The following HS3ST4 variants were observed in gnomAD, a reference collection of about 807,000 sequenced individuals.
HS3ST4 encodes the protein heparan sulfate-glucosamine 3-sulfotransferase 4.
HS3ST4 carries 17 observed loss-of-function variants against 29.2 expected under a neutral mutation model. That is an observed-to-expected ratio of 0.58 (90% CI 0.40 to 0.87). The LOEUF is 0.87. Ranked by LOEUF, HS3ST4 falls within the 40% of genes least tolerant of loss-of-function variation. The pLI, the probability that HS3ST4 is intolerant of heterozygous loss-of-function variation, is 0.00. For missense variants in HS3ST4, 627 were observed against 634.5 expected, an observed-to-expected ratio of 0.99 and a Z score of 0.13; for synonymous variants, 314 against 285.7, an observed-to-expected ratio of 1.10 and a Z score of -1.00.
At chr16:25,914,059 G>GT (rs145975319) in intron 1 of HS3ST4, among the ~76,000 whole-genome samples, 18,814 of 149,490 alleles carry the variant, frequency 0.13, 1,507 homozygotes, top group African/African-American at 0.23. Context: ...GGGTGTGTGT[G>GT]TGCACGGAGT....
At chr16:25,764,274 A>G (rs1966804992) in intron 1 of HS3ST4, among the ~76,000 whole-genome samples, 1 of 152,182 alleles carries the variant, frequency 6.6e-6, no homozygotes, top group Non-Finnish European at 1.5e-5. Context: ...GCTGCAGGAG[A>G]AAGAGAGGGT....
At chr16:25,857,953 TTTC>T (rs1208667206) in intron 1 of HS3ST4, among the ~76,000 whole-genome samples, 2,042 of 59,724 alleles carry the variant, frequency 0.034, 78 homozygotes, top group African/African-American at 0.14. Context: ...TCTTTCTTTC[TTTC>T]TTTCTTTCTT....
chr16:25,801,561 T>C (rs1235010427), intron 1 of HS3ST4, among the ~76,000 whole-genome samples: 1 of 152,228 alleles, frequency 6.6e-6, no homozygotes, highest in Non-Finnish European at 1.5e-5. Flanking sequence ...TCCTGTTTTC[T>C]CATACCCTGG....
At chr16:25,849,736 G>A (rs1467156656) in intron 1 of HS3ST4, among the ~76,000 whole-genome samples, 1 of 151,908 alleles carries the variant, frequency 6.6e-6, no homozygotes, top group Non-Finnish European at 1.5e-5. Context: ...TGAACTCCTG[G>A]GCTCAAGCAA....
At chr16:25,751,327 C>T (rs749667210) in intron 1 of HS3ST4, among the ~76,000 whole-genome samples, 4 of 152,086 alleles carry the variant, frequency 2.6e-5, no homozygotes, top group African/African-American at 4.8e-5. Context: ...ATTCAGTTTC[C>T]CTCCATACAC....
chr16:25,846,684 CAG>C (rs888497378), intron 1 of HS3ST4, among the ~76,000 whole-genome samples: 4 of 151,872 alleles, frequency 2.6e-5, no homozygotes, highest in Non-Finnish European at 5.9e-5. Flanking sequence ...CTTTCTATAA[CAG>C]AAAATTAAAA....
chr16:25,714,138 C>T (rs1013319845), intron 1 of HS3ST4, among the ~76,000 whole-genome samples: 10 of 151,938 alleles, frequency 6.6e-5, no homozygotes, highest in Non-Finnish European at 1.2e-4. Flanking sequence ...AGAACCTCCC[C>T]GTTCCAAAAA....
chr16:25,954,378 G>A (rs1377538086), intron 1 of HS3ST4, among the ~76,000 whole-genome samples: 1 of 152,036 alleles, frequency 6.6e-6, no homozygotes, highest in African/African-American at 2.4e-5. Context: ...CCAAACATAA[G>A]CTTTACAACA....
chr16:25,875,366 G>A (rs1007624399), intron 1 of HS3ST4, among the ~76,000 whole-genome samples: 1 of 152,118 alleles, frequency 6.6e-6, no homozygotes, highest in Non-Finnish European at 1.5e-5. Context: ...TGATGAGAAT[G>A]CCAAACAGTC....
At chr16:25,780,504 G>A (rs1966851675) in intron 1 of HS3ST4, among the ~76,000 whole-genome samples, 1 of 152,086 alleles carries the variant, frequency 6.6e-6, no homozygotes, top group Non-Finnish European at 1.5e-5. Flanking sequence ...CCTAAATAAA[G>A]GATCATTATT....
chr16:25,827,161 T>G (rs1390218289), intron 1 of HS3ST4, among the ~76,000 whole-genome samples: 3 of 152,074 alleles, frequency 2.0e-5, no homozygotes, highest in Admixed American at 2.0e-4. Flanking sequence ...GCCATTGAGA[T>G]CCAACGTAGC....
At position 26,136,311 on chromosome 16, in the gene HS3ST4, A is replaced by G; in HGVS notation, c.*63A>G. On this transcript the variant is annotated 3_prime_UTR_variant, in exon 2 of 2. Transcript: ENST00000331351. ...GGAGGCTCCTTGCCTGAGTCCTTGA[A>G]TACCCCAGCTTCTGCAGCTTCACTT... is the stretch of plus-strand genomic sequence containing the variant. 2 of 1,446,986 alleles carry G rather than the reference A, an allele frequency of 1.4e-6. No individual in the cohort carries two copies. Among genetic ancestry groups the G allele is most frequent in the Admixed American group, 2.2e-5 (1 of 46,306 alleles). 89.6% of individuals were successfully genotyped at this position (1,446,986 alleles called of 1,614,324 possible).
intron 1 of HS3ST4, among the ~76,000 whole-genome samples, chr16:26,055,614 T>TC (rs1373678902): frequency 1.1e-4 from 16 of 151,602 alleles, no homozygotes; most frequent in Admixed American, 5.3e-4. Flanking sequence ...TTGAAAAGTT[T>TC]CCCGCATAAT....
At chr16:26,054,963 T>G (rs1898390067) in intron 1 of HS3ST4, among the ~76,000 whole-genome samples, 1 of 152,102 alleles carries the variant, frequency 6.6e-6, no homozygotes, top group Non-Finnish European at 1.5e-5. Context: ...TCATGGGCAT[T>G]TCCAAGTGCT....
At chr16:26,119,441 G>A (rs1051563176) in intron 1 of HS3ST4, among the ~76,000 whole-genome samples, 1 of 152,192 alleles carries the variant, frequency 6.6e-6, no homozygotes, top group African/African-American at 2.4e-5. Context: ...CTTATTGGAT[G>A]TGCTGCAGGG....
chr16:25,724,716 T>C (rs1323648492), intron 1 of HS3ST4, among the ~76,000 whole-genome samples: 1 of 152,148 alleles, frequency 6.6e-6, no homozygotes, highest in African/African-American at 2.4e-5. Context: ...AGTCATCACC[T>C]GAACCCGAAG....
At chr16:25,857,913 TTC>T (rs1158665010) in intron 1 of HS3ST4, among the ~76,000 whole-genome samples, 11 of 56,830 alleles carry the variant, frequency 1.9e-4, no homozygotes, top group East Asian at 1.6e-3. Context: ...CCTTCCTTCC[TTC>T]CTTCCTTTCT....
chr16:25,917,262 G>T (rs554647227), intron 1 of HS3ST4, among the ~76,000 whole-genome samples: 1 of 152,128 alleles, frequency 6.6e-6, no homozygotes, highest in South Asian at 2.1e-4. Flanking sequence ...ACCCAGGCCG[G>T]AGTGCAGTGT....
intron 1 of HS3ST4, among the ~76,000 whole-genome samples, chr16:25,793,974 A>T (rs1966876071): frequency 6.6e-6 from 1 of 151,898 alleles, no homozygotes; most frequent in South Asian, 2.1e-4. Context: ...GAATTTTTAA[A>T]TGTGCTGGAA....
Sources: gnomAD v4.1 joint callset for allele counts (sites outside exome capture counted in the v4.1 genomes callset) on GRCh38, gnomAD v4.1.1 for gene constraint, MANE v1.5 for transcripts, NCBI Gene and HGNC (gene_info 2026-07-23, HGNC 2026-07-21) for gene names.